CHD6: variants seen among roughly 807,000 people sequenced by gnomAD.
CHD6 encodes ATP-dependent chromatin remodeler CHD6.
A neutral mutation model predicts 276.9 loss-of-function variants in CHD6; 50 were observed. The observed-to-expected ratio is 0.18, with a 90% confidence interval of 0.14 to 0.23. The LOEUF (loss-of-function observed/expected upper bound fraction) is 0.23, where lower values mean the gene tolerates loss of function less well. CHD6 is among the 10% of genes least tolerant of loss of function. The pLI, the probability that CHD6 is intolerant of heterozygous loss-of-function variation, is 1.00. For synonymous variants in CHD6, 1,173 were observed against 1,229.3 expected (o/e 0.95, Z 0.96); for missense variants, 2,564 against 3,365.8 (o/e 0.76, Z 5.89).
chr20:41,481,621 CTT>C (rs1433133819), intron 16 of CHD6, among the ~76,000 whole-genome samples: 1 of 151,946 alleles, frequency 6.6e-6, no homozygotes, highest in African/African-American at 2.4e-5. Context: ...ATAAAACACT[CTT>C]AACTAGAGGG....
intron 14 of CHD6, chr20:41,486,168 T>C (rs2043409517): frequency 6.6e-6 from 1 of 152,174 alleles, no homozygotes; most frequent in African/African-American, 2.4e-5. Flanking sequence ...AGCTGATTGT[T>C]AAAGATAGGG....
Position 41,484,329 on chromosome 20 carries a change from A to G in CHD6, c.2257+23T>C, listed in dbSNP as rs771946310. ...GCAGAGGTCATGGCAGTCCTGAGTT[A>G]CTTCCTAGTGCCCCTGACTCACCAT... is the stretch of plus-strand genomic sequence containing the variant. On this transcript the variant is annotated intron_variant, in intron 15 of 36. Transcript: ENST00000373233. 2.5e-6 allele frequency: 4 copies of G among 1,612,872 alleles called. No individual in the cohort carries two copies. The Admixed American group carries it at 6.7e-5, about 27-fold the overall frequency.
intron 1 of CHD6, among the ~76,000 whole-genome samples, chr20:41,593,262 C>T (rs192001310): frequency 9.6e-4 from 144 of 149,594 alleles, no homozygotes; most frequent in African/African-American, 3.4e-3. Context: ...AGAATAAATT[C>T]AGAGTTATAA....
intron 17 of CHD6, among the ~76,000 whole-genome samples, chr20:41,470,424 C>A (rs901299717): frequency 3.3e-5 from 5 of 152,076 alleles, no homozygotes; most frequent in Non-Finnish European, 7.4e-5. Context: ...CCTTTTGCTG[C>A]ATTCTCCTTA....
At chr20:41,478,991 AAAAAG>A (rs144796838) in intron 16 of CHD6, among the ~76,000 whole-genome samples, 6,619 of 152,254 alleles carry the variant, frequency 0.043, 441 homozygotes, top group African/African-American at 0.15. Context: ...AGTAATGAAT[AAAAAG>A]AAAAGAAAAC....
At chr20:41,552,760 G>A (rs1050048598) in intron 1 of CHD6, among the ~76,000 whole-genome samples, 1 of 152,138 alleles carries the variant, frequency 6.6e-6, no homozygotes, top group Non-Finnish European at 1.5e-5. Context: ...ATCTGTCCTA[G>A]AGAGACATGT....
chr20:41,576,888 C>T (rs767880865), intron 1 of CHD6, among the ~76,000 whole-genome samples: 1 of 152,116 alleles, frequency 6.6e-6, no homozygotes, highest in Non-Finnish European at 1.5e-5. Context: ...TCTTATCAGA[C>T]CAACACAAAA....
At chr20:41,546,473 C>T (rs2045045119) in intron 2 of CHD6, among the ~76,000 whole-genome samples, 1 of 152,200 alleles carries the variant, frequency 6.6e-6, no homozygotes, top group African/African-American at 2.4e-5. Flanking sequence ...CCTCTTACCC[C>T]TTAAGATGAC....
intron 2 of CHD6, among the ~76,000 whole-genome samples, chr20:41,548,180 C>T (rs1236697077): frequency 6.6e-6 from 1 of 152,146 alleles, no homozygotes; most frequent in African/African-American, 2.4e-5. Flanking sequence ...ATCAGTATGG[C>T]CTACCATCAG....
chr20:41,603,980 C>T (rs957073728), intron 1 of CHD6, among the ~76,000 whole-genome samples: 1 of 127,814 alleles, frequency 7.8e-6, no homozygotes, highest in African/African-American at 3.0e-5. Context: ...TCACCTATTC[C>T]TGTGTGCATG....
chr20:41,543,992 C>G (rs562109124), intron 2 of CHD6, among the ~76,000 whole-genome samples: 3 of 152,278 alleles, frequency 2.0e-5, no homozygotes, highest in African/African-American at 7.2e-5. Context: ...GTAATCCTAT[C>G]ACTTTGGGAG....
intron 1 of CHD6, among the ~76,000 whole-genome samples, chr20:41,578,692 C>CAA (rs11471711): frequency 0.058 from 6,072 of 104,790 alleles, 407 homozygotes; most frequent in African/African-American, 0.16. Context: ...GACTCCGTCT[C>CAA]AAAAAAAAAA....
At chr20:41,568,649 A>AT (rs1206391235) in intron 1 of CHD6, among the ~76,000 whole-genome samples, 2 of 152,244 alleles carry the variant, frequency 1.3e-5, no homozygotes, top group African/African-American at 4.8e-5. Context: ...TTAAAGTAAA[A>AT]TTTTTAAAAA....
At chr20:41,582,556 G>T (rs573439009) in intron 1 of CHD6, among the ~76,000 whole-genome samples, 1 of 152,244 alleles carries the variant, frequency 6.6e-6, no homozygotes, top group South Asian at 2.1e-4. Context: ...AGTCTCTATT[G>T]TTCTACAGTA....
At chr20:41,589,928 C>G (rs1279871379) in intron 1 of CHD6, among the ~76,000 whole-genome samples, 1 of 152,110 alleles carries the variant, frequency 6.6e-6, no homozygotes, top group African/African-American at 2.4e-5. Flanking sequence ...GCCAAAAGAA[C>G]AAAGCTGGAG....
At chr20:41,534,158 T>C (rs1343925367) in intron 2 of CHD6, among the ~76,000 whole-genome samples, 3 of 152,222 alleles carry the variant, frequency 2.0e-5, no homozygotes, top group Non-Finnish European at 4.4e-5. Flanking sequence ...AGGTTGGTGA[T>C]AGTCGGTAAC....
chr20:41,590,011 C>T (rs2146258522), intron 1 of CHD6, among the ~76,000 whole-genome samples: 1 of 151,562 alleles, frequency 6.6e-6, no homozygotes, highest in South Asian at 2.1e-4. Flanking sequence ...GGGTACAAAA[C>T]AGAGATATAG....
At chr20:41,610,071 G>A (rs2045870709) in intron 1 of CHD6, among the ~76,000 whole-genome samples, 2 of 151,872 alleles carry the variant, frequency 1.3e-5, no homozygotes, top group Admixed American at 1.3e-4. Flanking sequence ...TGGCCAGGCT[G>A]GTCTCGAACT....
chr20:41,412,021 G>A lies in CHD6; in HGVS notation c.7251+123C>T, dbSNP rs761293460. ...AATCAACTTCCTGTGCTGGCTTCTA[G>A]TCCTCTTGAAAGATGTCTCCCAGCG... On this transcript the variant is annotated intron_variant, in intron 36 of 36. Transcript: ENST00000373233. 32 of 1,393,714 alleles carry A rather than the reference G, an allele frequency of 2.3e-5. No homozygotes were observed. The South Asian group carries it at 4.1e-4, about 18-fold the overall frequency. The allele number at this position is 1,393,714 out of a possible 1,614,324, so 86.3% of individuals were successfully genotyped here.
Sources: allele counts gnomAD v4.1 joint callset (sites outside exome capture counted in the v4.1 genomes callset), GRCh38; gene constraint gnomAD v4.1.1; transcripts MANE v1.5; gene names NCBI Gene and HGNC (gene_info 2026-07-23, HGNC 2026-07-21).